GRAMD4: variants seen among roughly 807,000 people sequenced by gnomAD.
GRAMD4 encodes the protein GRAM domain containing 4.
GRAMD4 carries 25 observed loss-of-function variants against 83.9 expected under a neutral mutation model. The ratio of observed to expected loss-of-function variants is 0.30; its 90% CI spans 0.22 to 0.42. GRAMD4 has a LOEUF of 0.42. Ranked by LOEUF, GRAMD4 falls within the 10% of genes least tolerant of loss-of-function variation. The probability of loss-of-function intolerance (pLI) is 1.00; values close to 1 mark genes in which losing one functional copy is unlikely to be tolerated. For synonymous variants in GRAMD4, 336 were observed against 320.9 expected (o/e 1.05, Z -0.50); for missense variants, 593 against 788.7 (o/e 0.75, Z 2.97).
In GRAMD4 at chr22:46,603,654, T is replaced by C. The variant is rs565444463; in HGVS notation, c.-49-23097T>C. 2.3e-4 allele frequency among the ~76,000 whole-genome samples: 35 copies of C among 150,866 alleles called. No individual in the cohort carries two copies. The East Asian group carries it at 4.7e-3, about 20-fold the overall frequency. ...GCCTCAGCCTCTCGAGTAGCTGGGA[T>C]TACAGGCGCCCACCACCACGCCTGG... On this transcript the variant is annotated intron_variant, in intron 1 of 1. Transcript: ENST00000431155.
intron 1 of GRAMD4, among the ~76,000 whole-genome samples, chr22:46,615,064 C>T (rs1334814523): frequency 9.6e-5 from 2 of 20,862 alleles, no homozygotes; most frequent in Non-Finnish European, 2.2e-4. Context: ...TAGGTTCCCC[C>T]GTGTGTAGGT....
chr22:46,680,589 TCCATCCAC>T (rs1569313443), downstream of GRAMD4, among the ~76,000 whole-genome samples: 1 of 13,944 alleles, frequency 7.2e-5, no homozygotes, highest in Non-Finnish European at 1.4e-4. Context: ...CATCCATCCA[TCCATCCAC>T]CCACCCATTC....
intron 10 of GRAMD4, among the ~76,000 whole-genome samples, chr22:46,667,114 C>A (rs937946451): frequency 2.6e-5 from 4 of 152,236 alleles, no homozygotes; most frequent in Admixed American, 6.5e-5. Flanking sequence ...AAGCAGATTG[C>A]CTGGCCCTGG....
chr22:46,666,044 A>C (rs1477978130), intron 9 of GRAMD4, among the ~76,000 whole-genome samples: 1 of 152,220 alleles, frequency 6.6e-6, no homozygotes, highest in African/African-American at 2.4e-5. Context: ...ACGCCCCGGA[A>C]GGTTCCTGCT....
rs534267368 is a variant in GRAMD4 at position 46,596,653 on chromosome 22, T to C, written c.-50+19363T>C. Among the ~76,000 whole-genome samples, 3 of 152,292 alleles carry C rather than the reference T, an allele frequency of 2.0e-5. No individual in the cohort carries two copies. In the East Asian group the frequency reaches 5.8e-4, roughly 29 times the overall value. On this transcript the variant is annotated intron_variant, in intron 1 of 1. Transcript: ENST00000431155. ...GCAACCTCCATCCCCATAGTTCAAG[T>C]GATTCTCCTGCCTCAGCCTTCTGAG...
chr22:46,618,782 AGGCGTGCGGCC>A (rs1601571897), upstream of GRAMD4, among the ~76,000 whole-genome samples: 2 of 152,080 alleles, frequency 1.3e-5, no homozygotes, highest in East Asian at 3.9e-4. This position sits in a 1 kb window ranked among gnomAD's most constrained non-coding sequence, Gnocchi z 5.8. Context: ...CCCCGTCTGG[AGGCGTGCGGCC>A]GGCGTGCGCT....
intron 2 of GRAMD4, among the ~76,000 whole-genome samples, chr22:46,636,633 C>G (rs1367327836): frequency 6.6e-6 from 1 of 152,238 alleles, no homozygotes; most frequent in East Asian, 1.9e-4. Context: ...GTCTGAGGAC[C>G]CAGCTGGAGA....
intron 1 of GRAMD4, among the ~76,000 whole-genome samples, chr22:46,590,174 C>T (rs1005814843): frequency 4.6e-5 from 7 of 152,234 alleles, no homozygotes; most frequent in Non-Finnish European, 1.0e-4. Context: ...AGCTACTGGG[C>T]CGCCTGGACA....
intron 13 of GRAMD4, among the ~76,000 whole-genome samples, chr22:46,669,565 G>GTC (rs201128265): frequency 5.3e-5 from 8 of 149,936 alleles, no homozygotes; most frequent in South Asian, 2.1e-4. Flanking sequence ...CTTTGTTTTT[G>GTC]TCTCTCTCTC....
At chr22:46,579,316 G>A (rs6008919) in intron 1 of GRAMD4, among the ~76,000 whole-genome samples, 2 of 152,138 alleles carry the variant, frequency 1.3e-5, no homozygotes, top group African/African-American at 2.4e-5. Context: ...TTTGCTCTCC[G>A]CTCTCCCAGG....
chr22:46,668,258 G>A (rs1028647723), intron 11 of GRAMD4, 91 bp downstream of exon 11: 6 of 836,716 alleles, frequency 7.2e-6, no homozygotes, highest in Admixed American at 2.3e-5. Context: ...GTAGGTCTCC[G>A]CCGGCCTCCG....
At chr22:46,613,598 G>A (rs1601558929) in intron 1 of GRAMD4, among the ~76,000 whole-genome samples, 1 of 151,360 alleles carries the variant, frequency 6.6e-6, no homozygotes, top group East Asian at 1.9e-4. Context: ...CCGATGGCTG[G>A]GAAGGCCGTC....
chr22:46,644,625 C>G (rs1373559412), intron 3 of GRAMD4, among the ~76,000 whole-genome samples: 1 of 151,546 alleles, frequency 6.6e-6, no homozygotes, highest in African/African-American at 2.4e-5. Context: ...TACACCTGTC[C>G]CTGTTCTGGG....
Position 46,621,424 on chromosome 22 carries a change from G to A in GRAMD4, c.-50+859G>A, listed in dbSNP as rs1412029325. On this transcript the variant is annotated intron_variant, in intron 1 of 18. Coordinates refer to ENST00000406902, the MANE Select transcript of GRAMD4 (RefSeq NM_015124.5). This position sits in a 1 kb window ranked among gnomAD's most constrained non-coding sequence, Gnocchi z 5.8. ...GGAGCACTCTTCAGTGCAGTGCGGG[G>A]GCTGCCCATGTGGCCGTGGAGGGCA... is the stretch of plus-strand genomic sequence containing the variant. Among the ~76,000 whole-genome samples the A allele has an allele frequency of 5.3e-5, 8 of 152,200 alleles. No homozygotes were observed. The highest frequency in any genetic ancestry group is 1.2e-4 in the African/African-American group (5 of 41,442).
At chr22:46,627,106 C>G in intron 2 of GRAMD4, 145 bp downstream of exon 2, 1 of 631,696 alleles carries the variant, frequency 1.6e-6, no homozygotes, top group South Asian at 1.9e-5. Flanking sequence ...CTCACCTGCT[C>G]CCGACCCCTG....
chr22:46,654,610 G>A (rs2082216000), intron 3 of GRAMD4, among the ~76,000 whole-genome samples: 1 of 152,162 alleles, frequency 6.6e-6, no homozygotes, highest in African/African-American at 2.4e-5. Flanking sequence ...CCCGTGTTAG[G>A]GCTGTGACAC....
chr22:46,665,561 C>A, intron 8 of GRAMD4, 54 bp from the exon 9 acceptor site: 1 of 992,842 alleles, frequency 1.0e-6, no homozygotes, highest in South Asian at 1.3e-5. Flanking sequence ...GAGGGATGTG[C>A]CTTGTCCTGA....
intron 1 of GRAMD4, among the ~76,000 whole-genome samples, chr22:46,609,651 C>T (rs1417010991): frequency 2.6e-5 from 4 of 152,182 alleles, no homozygotes; most frequent in Admixed American, 6.5e-5. Flanking sequence ...GGACACGGCA[C>T]GCTGATGGTC....
At chr22:46,642,339 G>A (rs556757896) in intron 3 of GRAMD4, among the ~76,000 whole-genome samples, 27 of 152,340 alleles carry the variant, frequency 1.8e-4, no homozygotes, top group African/African-American at 6.0e-4. Flanking sequence ...GTGACCTGTC[G>A]TGTGTGGACC....
Sources: allele counts gnomAD v4.1 joint callset (sites outside exome capture counted in the v4.1 genomes callset), GRCh38; gene constraint gnomAD v4.1.1; non-coding constraint Gnocchi (gnomAD v3.1); transcripts MANE v1.5; gene names NCBI Gene and HGNC (gene_info 2026-07-23, HGNC 2026-07-21).